The following RGS6 variants were observed in gnomAD, a reference collection of about 807,000 sequenced individuals.
RGS6 encodes regulator of G-protein signaling 6.
In RGS6, 30 loss-of-function variants were observed where a neutral mutation model predicts 78.5. The observed-to-expected ratio is 0.38, with a 90% confidence interval of 0.29 to 0.52. The LOEUF (loss-of-function observed/expected upper bound fraction) is 0.52. RGS6 is among the 20% of genes least tolerant of loss of function. The probability of loss-of-function intolerance (pLI) is 0.85; values close to 1 mark genes in which losing one functional copy is unlikely to be tolerated. For missense variants in RGS6, 495 were observed against 609.7 expected (o/e 0.81, Z 1.98); for synonymous variants, 206 against 206.0 (o/e 1.00, Z 0.00).
intron 2 of RGS6, among the ~76,000 whole-genome samples, chr14:72,105,389 G>A (rs963138786): frequency 6.6e-6 from 1 of 152,202 alleles, no homozygotes; most frequent in Non-Finnish European, 1.5e-5. Flanking sequence ...CTGAGGGCAA[G>A]GATCATGTTC....
At chr14:72,605,364 C>T in the RGS6 span, among the ~76,000 whole-genome samples, 2 of 152,230 alleles carry the variant, frequency 1.3e-5, no homozygotes, top group Admixed American at 6.5e-5. Flanking sequence ...GGCGCTTGCA[C>T]GCAGAGGAGA....
Position 72,565,204 on chromosome 14 carries a change from G to C in RGS6, c.*2737G>C, listed in dbSNP as rs1318840798. On this transcript the variant is annotated 3_prime_UTR_variant, in exon 18 of 18. Transcript: ENST00000553525. ...GACTGGGTGTGGTCTCTGGGCCTAG[G>C]ACTCCTCCCTATGAGGAAAAGTGCT... The C allele has an allele frequency of 6.8e-6, 1 of 147,408 alleles. No individual in the cohort carries two copies. Among genetic ancestry groups the C allele is most frequent in the East Asian group, 2.1e-4 (1 of 4,844 alleles). The allele number at this position is 147,408 out of a possible 1,614,324, so 9.1% of individuals were successfully genotyped here.
intron 2 of RGS6, among the ~76,000 whole-genome samples, chr14:72,168,360 G>A (rs770064603): frequency 7.9e-5 from 12 of 152,260 alleles, no homozygotes; most frequent in African/African-American, 2.4e-5. Flanking sequence ...GGCCCTGAGA[G>A]TGGACGTGGA....
chr14:72,473,421 G>A (rs1598031053), intron 9 of RGS6, among the ~76,000 whole-genome samples: 1 of 152,172 alleles, frequency 6.6e-6, no homozygotes, highest in Non-Finnish European at 1.5e-5. Flanking sequence ...TCCAGCCTCG[G>A]CAACAGAGCG....
chr14:71,948,738 C>T (rs941257407), intron 1 of RGS6, among the ~76,000 whole-genome samples: 9 of 75,214 alleles, frequency 1.2e-4, no homozygotes, highest in African/African-American at 2.0e-4. Flanking sequence ...CTCTCTCTCT[C>T]TCTTTTTTTT....
the RGS6 span, among the ~76,000 whole-genome samples, chr14:72,592,138 G>A: frequency 6.6e-6 from 1 of 152,238 alleles, no homozygotes; most frequent in African/African-American, 2.4e-5. Flanking sequence ...AAGCCAATAA[G>A]GAGGAGAAAG....
At chr14:72,220,822 T>C (rs1350172726) in intron 2 of RGS6, among the ~76,000 whole-genome samples, 2 of 152,232 alleles carry the variant, frequency 1.3e-5, no homozygotes, top group East Asian at 1.9e-4. Flanking sequence ...CTGTGACTTA[T>C]TGAATTACAG....
chr14:71,894,131 G>A, the RGS6 span, among the ~76,000 whole-genome samples: 17 of 152,104 alleles, frequency 1.1e-4, no homozygotes, highest in Non-Finnish European at 2.5e-4. Context: ...CCCTCCGATT[G>A]TCAGAGGCGT....
chr14:72,046,281 A>G (rs2092829142), intron 2 of RGS6, among the ~76,000 whole-genome samples: 1 of 150,164 alleles, frequency 6.7e-6, no homozygotes, highest in Non-Finnish European at 1.5e-5. Flanking sequence ...AGCATGACAC[A>G]TACACACACC....
intron 2 of RGS6, among the ~76,000 whole-genome samples, chr14:72,135,416 T>C (rs2096416703): frequency 6.6e-6 from 1 of 152,174 alleles, no homozygotes; most frequent in South Asian, 2.1e-4. Flanking sequence ...ATCTGTGAAA[T>C]GTGAGGATGG....
At chr14:72,264,768 T>C (rs2058755966) in intron 2 of RGS6, among the ~76,000 whole-genome samples, 1 of 152,182 alleles carries the variant, frequency 6.6e-6, no homozygotes, top group Non-Finnish European at 1.5e-5. Flanking sequence ...CCAGGGACAT[T>C]GAGAGGGCAG....
chr14:72,022,808 G>A (rs562490928), intron 2 of RGS6, among the ~76,000 whole-genome samples: 62 of 152,284 alleles, frequency 4.1e-4, no homozygotes, highest in Middle Eastern at 3.4e-3. Context: ...TGCCTGGACC[G>A]TACTTCACCT....
intron 3 of RGS6, among the ~76,000 whole-genome samples, chr14:72,401,739 A>G (rs540645290): frequency 6.6e-6 from 1 of 152,212 alleles, no homozygotes; most frequent in Non-Finnish European, 1.5e-5. Flanking sequence ...AAGGAGAAAG[A>G]AACATAAAGC....
At chr14:71,998,556 C>G (rs980160510) in intron 2 of RGS6, among the ~76,000 whole-genome samples, 2 of 152,188 alleles carry the variant, frequency 1.3e-5, no homozygotes, top group African/African-American at 4.8e-5. Flanking sequence ...AGGAAGGATG[C>G]TGGACACTAC....
chr14:72,380,774 C>T (rs2085871564), intron 3 of RGS6, among the ~76,000 whole-genome samples: 1 of 151,996 alleles, frequency 6.6e-6, no homozygotes, highest in Admixed American at 6.6e-5. Flanking sequence ...TTCCTCAAAA[C>T]ACTAAAAATA....
chr14:71,996,467 G>A lies in RGS6; in HGVS notation c.84+31592G>A, dbSNP rs1052363584. ...GAGAGAGACCCTATGAGAAACAGTG[G>A]GTGGAGCTGGGGGATTACCGGTGTT... On this transcript the variant is annotated intron_variant, in intron 2 of 17. Coordinates refer to ENST00000553525, the MANE Select transcript of RGS6 (RefSeq NM_001204424.2). 5.3e-5 allele frequency among the ~76,000 whole-genome samples: 8 copies of A among 152,192 alleles called. No homozygotes were observed. In the South Asian group the frequency reaches 1.7e-3, roughly 32 times the overall value.
At chr14:71,968,633 C>G (rs990629169) in intron 2 of RGS6, among the ~76,000 whole-genome samples, 43 of 152,118 alleles carry the variant, frequency 2.8e-4, no homozygotes, top group African/African-American at 1.0e-3. Context: ...GTCCAGGGAG[C>G]CTGGCCACTC....
intron 2 of RGS6, among the ~76,000 whole-genome samples, chr14:72,263,437 G>A (rs190108191): frequency 1.3e-5 from 2 of 152,240 alleles, no homozygotes; most frequent in East Asian, 3.9e-4. Flanking sequence ...CATGATGGCT[G>A]TGGTCTCTCT....
At chr14:71,991,031 G>T in intron 2 of RGS6, 1 of 358,392 alleles carries the variant, frequency 2.8e-6, no homozygotes, top group South Asian at 2.1e-5. Context: ...TGTAAAAAAA[G>T]ATAACATTTT....
Sources: allele counts gnomAD v4.1 joint callset (sites outside exome capture counted in the v4.1 genomes callset), GRCh38; gene constraint gnomAD v4.1.1; transcripts MANE v1.5; gene names NCBI Gene and HGNC (gene_info 2026-07-23, HGNC 2026-07-21).